Variants in KLRF2 observed in about 807,000 individuals in gnomAD.
The protein encoded by KLRF2 is killer cell lectin like receptor F2.
In KLRF2, 28 loss-of-function variants were observed where a neutral mutation model predicts 25.3. The observed-to-expected ratio is 1.11, with a 90% CI of 0.82 to 1.52. The LOEUF (loss-of-function observed/expected upper bound fraction) is 1.52. Among genes scored for constraint, KLRF2 ranks in the 40% most tolerant of loss-of-function variants. The pLI is 0.00. For missense variants in KLRF2, 265 were observed against 245.8 expected (o/e 1.08, Z -0.52); for synonymous variants, 73 against 85.0 (o/e 0.86, Z 0.78).
At chr12:9,889,862 T>C (rs1333730119) in intron 3 of KLRF2, among the ~76,000 whole-genome samples, 4 of 152,096 alleles carry the variant, frequency 2.6e-5, no homozygotes, top group Admixed American at 2.0e-4. Context: ...ATATATAAAG[T>C]TAAATAATCC....
intron 2 of KLRF2, among the ~76,000 whole-genome samples, chr12:9,887,279 A>C (rs549718304): frequency 8.5e-4 from 129 of 152,316 alleles, no homozygotes; most frequent in African/African-American, 3.0e-3. Flanking sequence ...AAGAGATGAT[A>C]GATTAGATAG....
chr12:9,894,171 GTTTCTTTC>G (rs200285327), intron 5 of KLRF2, among the ~76,000 whole-genome samples: 5 of 78,598 alleles, frequency 6.4e-5, no homozygotes, highest in East Asian at 3.4e-4. Context: ...TTCCTTCTTT[GTTTCTTTC>G]TTTCTTTCTT....
At chr12:9,892,966 A>G (rs965739145) in intron 3 of KLRF2, 54 bp from the exon 4 acceptor site, 6 of 1,345,488 alleles carry the variant, frequency 4.5e-6, no homozygotes, top group African/African-American at 4.4e-5. Flanking sequence ...TAATATTTCT[A>G]TCTTCCCTGT....
intron 3 of KLRF2, among the ~76,000 whole-genome samples, chr12:9,890,161 A>C (rs992133170): frequency 6.6e-6 from 1 of 152,204 alleles, no homozygotes; most frequent in African/African-American, 2.4e-5. Context: ...CAATATGTGA[A>C]TCTTATAGCT....
intron 3 of KLRF2, 65 bp downstream of exon 3, chr12:9,888,845 C>A: frequency 1.0e-6 from 1 of 961,646 alleles, no homozygotes. Flanking sequence ...CTTCCCTCTT[C>A]CTGGCGTTCA....
Position 9,895,726 on chromosome 12 carries a change from G to T in KLRF2, c.517G>T (p.Ala173Ser), listed in dbSNP as rs1193785434. The change falls in exon 6 of 6, where the codon GCC becomes TCC. Residue 173 changes from alanine to serine, a missense_variant. By Grantham distance (99) the Ala-to-Ser change is moderately conservative. Coordinates refer to ENST00000535540, the MANE Select transcript of KLRF2 (RefSeq NM_001190765.1). ...TGGACCAACTGATGACAGGAGCTGT[G>T]CCGTTATCACAGGAAACTGGGTGTA... Reference protein sequence around the residue: ...VIGPTDDRSCAVITGNWVYSE... With the variant: ...VIGPTDDRSCSVITGNWVYSE... The T allele has an allele frequency of 2.6e-6, 4 of 1,535,550 alleles. No individual in the cohort carries two copies. The East Asian group carries it at 9.8e-5, about 38-fold the overall frequency.
chr12:9,895,729 G>A lies in KLRF2; in HGVS notation c.520G>A (p.Val174Ile), dbSNP rs149908207. The A allele has an allele frequency of 8.2e-5, 126 of 1,535,568 alleles. No individual in the cohort carries two copies. The highest frequency in any genetic ancestry group is 6.0e-5 in the South Asian group (5 of 83,984). Residue 174 changes from valine to isoleucine, a missense_variant, in exon 6 of 6, where the codon GTT (valine) becomes ATT (isoleucine). Transcript: ENST00000535540. ...IGPTDDRSCA[V>I]ITGNWVYSED... The stretch of plus-strand genomic sequence containing the variant: ...ACCAACTGATGACAGGAGCTGTGCC[G>A]TTATCACAGGAAACTGGGTGTATTC...
At chr12:9,882,630 A>T (rs1016916092) in intron 1 of KLRF2, among the ~76,000 whole-genome samples, 49 of 152,162 alleles carry the variant, frequency 3.2e-4, no homozygotes, top group African/African-American at 1.2e-3. Context: ...ATACAAAAAA[A>T]ATTAGCTGGG....
intron 2 of KLRF2, among the ~76,000 whole-genome samples, chr12:9,885,514 T>C (rs543560282): frequency 6.0e-4 from 91 of 151,988 alleles, no homozygotes; most frequent in African/African-American, 2.1e-3. Context: ...AAATGAGTAG[T>C]GTTTTACATA....
chr12:9,893,512 G>A lies in KLRF2; in HGVS notation c.450G>A (p.Trp150Ter), dbSNP rs772760309. ...CATTCCAAGGGAACCTATGGATGTGGATAGATGAACACTTTTTAGTTCCAG... is the reference window on the plus strand; with the variant it reads ...CATTCCAAGGGAACCTATGGATGTGAATAGATGAACACTTTTTAGTTCCAG... The part of the protein sequence containing the change: ...YVTFQGNLWM[W>*]IDEHFLVPEL... The change falls in exon 5 of 6, where the codon TGG (tryptophan) becomes TGA (stop). Residue 150 changes from tryptophan (W) to a stop codon, truncating the protein, a stop_gained. Coordinates refer to ENST00000535540, the MANE Select transcript of KLRF2 (RefSeq NM_001190765.1). LOFTEE classifies it low-confidence loss of function (END_TRUNC). 2 of 1,508,384 alleles carry A rather than the reference G, an allele frequency of 1.3e-6. No individual in the cohort carries two copies. The highest frequency in any genetic ancestry group is 1.2e-5 in the South Asian group (1 of 81,574). 93.4% of individuals were successfully genotyped at this position (1,508,384 alleles called of 1,614,324 possible). A position where few individuals can be genotyped will look rare whatever the true frequency, so the allele number is the denominator to read the frequency against.
intron 1 of KLRF2, among the ~76,000 whole-genome samples, chr12:9,884,442 T>G (rs2136994139): frequency 6.6e-6 from 1 of 151,642 alleles, no homozygotes; most frequent in African/African-American, 2.4e-5. Context: ...TAATAGAATT[T>G]TAATAAATAT....
intron 2 of KLRF2, among the ~76,000 whole-genome samples, chr12:9,887,871 G>T (rs1421505687): frequency 2.0e-5 from 3 of 151,446 alleles, no homozygotes; most frequent in Non-Finnish European, 4.4e-5. Context: ...GGGCAACATG[G>T]TGAAACCCCG....
At chr12:9,888,394 G>A (rs1862628187) in intron 2 of KLRF2, among the ~76,000 whole-genome samples, 1 of 152,038 alleles carries the variant, frequency 6.6e-6, no homozygotes, top group Non-Finnish European at 1.5e-5. Flanking sequence ...GGAGGCTGAG[G>A]TAGGAGAATG....
intron 3 of KLRF2, among the ~76,000 whole-genome samples, chr12:9,890,751 A>G (rs1034598011): frequency 1.3e-5 from 2 of 152,204 alleles, no homozygotes; most frequent in Admixed American, 6.5e-5. Flanking sequence ...GCTGTCTAAC[A>G]TAACCTAATC....
At chr12:9,889,761 G>A (rs114858979) in intron 3 of KLRF2, among the ~76,000 whole-genome samples, 3,364 of 151,890 alleles carry the variant, frequency 0.022, 121 homozygotes, top group African/African-American at 0.077. Flanking sequence ...ATACAGTGTG[G>A]AGGCAGTATA....
At chr12:9,888,489 C>CA (rs538330849) in intron 2 of KLRF2, among the ~76,000 whole-genome samples, 4,963 of 142,154 alleles carry the variant, frequency 0.035, 263 homozygotes, top group African/African-American at 0.12. Flanking sequence ...GACTCTGTCT[C>CA]AAAAAAAAAA....
Position 9,884,915 on chromosome 12 carries a change from C to G in KLRF2, c.71-19C>G. On this transcript the variant is annotated intron_variant, in intron 1 of 5. Transcript: ENST00000535540. ...TATAAAGTGAATAATCACAAGAATT[C>G]TAAAATTCAACATTTCAGATTTCTC... 4.6e-6 allele frequency: 4 copies of G among 862,290 alleles called. No homozygotes were observed. The highest frequency in any genetic ancestry group is 6.5e-6 in the Non-Finnish European group (4 of 611,066). The allele number at this position is 862,290 out of a possible 1,614,324, so 53.4% of individuals were successfully genotyped here. A position where few individuals can be genotyped will look rare whatever the true frequency, so the allele number is the denominator to read the frequency against.
Position 9,893,445 on chromosome 12 carries a change from G to A in KLRF2, c.383G>A (p.Ser128Asn), listed in dbSNP as rs1339674024. The change falls in exon 5 of 6, where the codon AGT (serine) becomes AAT (asparagine). Residue 128 changes from serine to asparagine, a missense_variant. Coordinates refer to ENST00000535540, the MANE Select transcript of KLRF2 (RefSeq NM_001190765.1). ...NLDELEFIQN[S>N]LKPGHFGWIG... ...CTTCTGCAGGAGTTCATACAGAACA[G>A]TTTAAAACCTGGACATTTTGGTTGG... 1.2e-5 allele frequency: 18 copies of A among 1,478,370 alleles called. No homozygotes were observed. Among genetic ancestry groups the A allele is most frequent in the Non-Finnish European group, 1.5e-5 (16 of 1,096,558 alleles). 91.6% of individuals were successfully genotyped at this position (1,478,370 alleles called of 1,614,324 possible).
In KLRF2 at chr12:9,893,378, T is replaced by A. The variant is rs1290177485; in HGVS notation, c.367-51T>A. 5 of 955,050 alleles carry A rather than the reference T, an allele frequency of 5.2e-6. No individual in the cohort carries two copies. The South Asian group carries it at 6.4e-5, about 12-fold the overall frequency. The allele number at this position is 955,050 out of a possible 1,614,324, so 59.2% of individuals were successfully genotyped here. On this transcript the variant is annotated intron_variant, in intron 4 of 5. Transcript: ENST00000535540. ...ACAGAGACTTACACTATAGAAGGCA[T>A]CAAAATTTTTTTAAACAAATGAATG...
Sources: gnomAD v4.1 joint callset for allele counts (sites outside exome capture counted in the v4.1 genomes callset) on GRCh38, gnomAD v4.1.1 for gene constraint, MANE v1.5 for transcripts, NCBI Gene and HGNC (gene_info 2026-07-23, HGNC 2026-07-21) for gene names.